The following DIPK1A variants were observed in gnomAD, a reference collection of about 807,000 sequenced individuals.
DIPK1A encodes family with sequence similarity 69 member A.
DIPK1A carries 27 observed loss-of-function variants against 40.8 expected under a neutral mutation model. The observed-to-expected ratio is 0.66, with a 90% CI of 0.49 to 0.91. The LOEUF (loss-of-function observed/expected upper bound fraction) is 0.91, where lower values mean the gene tolerates loss of function less well. Among genes scored for constraint, DIPK1A ranks in the 40% least tolerant of loss-of-function variants. DIPK1A has a pLI of 0.00. For missense variants in DIPK1A, 412 were observed against 505.7 expected (o/e 0.81, Z 1.78); for synonymous variants, 166 against 171.3 (o/e 0.97, Z 0.24).
chr1:92,951,984 C>CA (rs554155818), intron 1 of DIPK1A, among the ~76,000 whole-genome samples: 1 of 128,898 alleles, frequency 7.8e-6, no homozygotes, highest in Non-Finnish European at 1.6e-5. Flanking sequence ...TTTTGCCCCC[C>CA]AGAGGACAAC....
intron 1 of DIPK1A, among the ~76,000 whole-genome samples, 192 bp downstream of exon 1, chr1:92,961,184 T>G (rs1216374663): frequency 4.8e-5 from 3 of 63,022 alleles, no homozygotes; most frequent in African/African-American, 6.3e-5. Flanking sequence ...AGGGCCGCGG[T>G]GGGGGGCGTC....
intron 4 of DIPK1A, chr1:92,833,268 C>A: frequency 1.2e-6 from 1 of 816,838 alleles, no homozygotes; most frequent in Non-Finnish European, 2.0e-6. Flanking sequence ...TGGGATTCTA[C>A]AAGTGACAGT....
chr1:92,893,170 C>G (rs1201749439), intron 1 of DIPK1A, among the ~76,000 whole-genome samples: 10 of 150,380 alleles, frequency 6.6e-5, no homozygotes, highest in African/African-American at 2.5e-4. Flanking sequence ...AGATACTCCT[C>G]GAGAAGAGCA....
At chr1:92,859,817 C>T (rs978528237) in intron 2 of DIPK1A, among the ~76,000 whole-genome samples, 1 of 152,208 alleles carries the variant, frequency 6.6e-6, no homozygotes, top group African/African-American at 2.4e-5. Flanking sequence ...AATCCTCCCA[C>T]CTCAGCTTCC....
chr1:92,886,985 G>A (rs942776129), intron 1 of DIPK1A, among the ~76,000 whole-genome samples: 31 of 152,072 alleles, frequency 2.0e-4, no homozygotes, highest in African/African-American at 7.2e-4. Context: ...TACCGAAATA[G>A]TTTGCTGACC....
intron 2 of DIPK1A, among the ~76,000 whole-genome samples, chr1:92,864,809 G>A (rs528496089): frequency 6.6e-6 from 1 of 152,180 alleles, no homozygotes; most frequent in South Asian, 2.1e-4. Flanking sequence ...GAAGGCCAAG[G>A]TGGGCAGATT....
intron 1 of DIPK1A, among the ~76,000 whole-genome samples, chr1:92,946,045 CAT>C (rs1651348346): frequency 6.6e-6 from 1 of 152,140 alleles, no homozygotes. Context: ...ACAAACATCA[CAT>C]GTTCTTTTCC....
intron 2 of DIPK1A, among the ~76,000 whole-genome samples, chr1:92,862,037 T>A: frequency 6.6e-6 from 1 of 152,164 alleles, no homozygotes; most frequent in East Asian, 1.9e-4. Flanking sequence ...GTCTGGCAAC[T>A]CTTTATGAGT....
chr1:92,926,498 TG>T (rs759199497), intron 1 of DIPK1A, among the ~76,000 whole-genome samples: 20 of 152,202 alleles, frequency 1.3e-4, no homozygotes, highest in Non-Finnish European at 2.4e-4. Context: ...TTTTGGGTAT[TG>T]GGTTCTATAA....
chr1:92,937,506 G>A (rs964700721), intron 1 of DIPK1A, among the ~76,000 whole-genome samples: 3 of 152,086 alleles, frequency 2.0e-5, no homozygotes, highest in Non-Finnish European at 4.4e-5. Context: ...ATGGTGATCC[G>A]GAAAGAAAAA....
At chr1:92,933,774 T>C (rs982010319) in intron 1 of DIPK1A, 1 of 152,166 alleles carries the variant, frequency 6.6e-6, no homozygotes. Context: ...ATTAATTCAG[T>C]TGGATGGAAA....
At chr1:92,854,941 A>T (rs1367369362) in intron 2 of DIPK1A, among the ~76,000 whole-genome samples, 2 of 152,178 alleles carry the variant, frequency 1.3e-5, no homozygotes, top group African/African-American at 4.8e-5. Context: ...GGTATGGTTT[A>T]GGGTTTCCAA....
At chr1:92,943,381 C>T (rs2100895599) in intron 1 of DIPK1A, among the ~76,000 whole-genome samples, 2 of 152,244 alleles carry the variant, frequency 1.3e-5, no homozygotes, top group South Asian at 4.1e-4. Flanking sequence ...GAGAGCCAAT[C>T]TGTCAGTTGG....
rs543129942 is a variant in DIPK1A at position 92,948,799 on chromosome 1, A to G, written c.54+12577T>C. Among the ~76,000 whole-genome samples the G allele has an allele frequency of 3.3e-3, 479 of 143,636 alleles. 5 individuals carry two copies. The highest frequency in any genetic ancestry group is 0.012 in the African/African-American group (452 of 37,784). The allele number at this position is 143,636 out of a possible 152,430, so 94.2% of individuals were successfully genotyped here. On this transcript the variant is annotated intron_variant, in intron 1 of 4. Transcript: ENST00000370310. ...TGTGTATATATATATATGTGTGTGT[A>G]TATATATATATTTTTCCCCCCTGAG... is the stretch of plus-strand genomic sequence containing the variant.
intron 1 of DIPK1A, among the ~76,000 whole-genome samples, chr1:92,960,286 A>T (rs976688098): frequency 7.2e-5 from 11 of 152,124 alleles, no homozygotes; most frequent in African/African-American, 2.4e-4. Context: ...TACAATTTTC[A>T]AACAAAAATG....
chr1:92,862,912 C>G (rs1433293410), intron 2 of DIPK1A, among the ~76,000 whole-genome samples: 1 of 152,208 alleles, frequency 6.6e-6, no homozygotes, highest in Non-Finnish European at 1.5e-5. Flanking sequence ...CAGATGTAAC[C>G]TTTTCCAGAA....
At chr1:92,876,521 A>G (rs1470277352) in intron 1 of DIPK1A, 91 bp from the exon 2 acceptor site, 1 of 1,330,924 alleles carries the variant, frequency 7.5e-7, no homozygotes, top group African/African-American at 1.5e-5. Flanking sequence ...TTCTTGGAAC[A>G]ACTCAATATA....
At chr1:92,883,762 T>C (rs890560682) in intron 1 of DIPK1A, among the ~76,000 whole-genome samples, 15 of 152,170 alleles carry the variant, frequency 9.9e-5, no homozygotes, top group Non-Finnish European at 1.9e-4. Flanking sequence ...AGAATTCTTT[T>C]GGTTAGAAAT....
chr1:92,955,254 A>G lies in DIPK1A; in HGVS notation c.54+6122T>C, dbSNP rs555579508. ...TGAAACTACACTCTATACAATAATG[A>G]TGGATACATGTCATTATGCATTTAT... On this transcript the variant is annotated intron_variant, in intron 1 of 4. Transcript: ENST00000370310. Among the ~76,000 whole-genome samples the G allele has an allele frequency of 3.9e-5, 6 of 152,276 alleles. No homozygotes were observed. The East Asian group carries it at 1.2e-3, about 29-fold the overall frequency.
Sources: allele counts gnomAD v4.1 joint callset (sites outside exome capture counted in the v4.1 genomes callset), GRCh38; gene constraint gnomAD v4.1.1; transcripts MANE v1.5; gene names NCBI Gene and HGNC (gene_info 2026-07-23, HGNC 2026-07-21).